Variants in SUB1 observed in about 807,000 individuals in gnomAD.
The protein encoded by SUB1 is activated RNA polymerase II transcriptional coactivator p15.
In SUB1, 1 loss-of-function variant was observed where a neutral mutation model predicts 16.9. That is an observed-to-expected ratio of 0.06 (90% confidence interval 0.02 to 0.28). The LOEUF (loss-of-function observed/expected upper bound fraction) is 0.28, where lower values mean the gene tolerates loss of function less well. SUB1 is among the 10% of genes least tolerant of loss of function. The pLI, the probability that SUB1 is intolerant of heterozygous loss-of-function variation, is 1.00. For synonymous variants in SUB1, 51 were observed against 46.9 expected (o/e 1.09, Z -0.36); for missense variants, 84 against 145.2 (o/e 0.58, Z 2.16).
chr5:32,598,855 T>C lies in SUB1; in HGVS notation c.196-106T>C, dbSNP rs376504188. ...CAAGGGTCAGCAGTAGTCATTTTCA[T>C]GATTAGATGTAGAGTGAGCATGCAG... On this transcript the variant is annotated intron_variant, in intron 3 of 4. Coordinates refer to ENST00000265073, the MANE Select transcript of SUB1 (RefSeq NM_006713.4). 481 of 815,332 alleles carry C rather than the reference T, an allele frequency of 5.9e-4. 3 individuals carry two copies. The East Asian group carries it at 5.9e-3, about 10-fold the overall frequency. 50.5% of individuals were successfully genotyped at this position (815,332 alleles called of 1,614,324 possible). A position where few individuals can be genotyped will look rare whatever the true frequency, so the allele number is the denominator to read the frequency against.
In SUB1 at chr5:32,599,487, TC is replaced by T. The variant is rs1271183490; in HGVS notation, c.304+420del. On this transcript the variant is annotated intron_variant, in intron 4 of 4. Coordinates refer to ENST00000265073, the MANE Select transcript of SUB1 (RefSeq NM_006713.4). ...TCTTCAAGCGGATCTCTGCTTTCCT[TC>T]CATTTGTGCTTCATCCAGTCCCAAG... is the stretch of plus-strand genomic sequence containing the variant. Among the ~76,000 whole-genome samples, 197 of 152,330 alleles carry T rather than the reference TC, an allele frequency of 1.3e-3. 1 individual carries two copies. Among genetic ancestry groups the T allele is most frequent in the Non-Finnish European group, 2.8e-4 (19 of 68,028 alleles).
intron 3 of SUB1, among the ~76,000 whole-genome samples, chr5:32,592,100 A>G (rs1001636022): frequency 1.3e-5 from 2 of 152,366 alleles, no homozygotes; most frequent in South Asian, 2.1e-4. Context: ...GTATGTTACA[A>G]TCTTCTTAAC....
At chr5:32,599,199 C>T in intron 4 of SUB1, 130 bp downstream of exon 4, 1 of 664,010 alleles carries the variant, frequency 1.5e-6, no homozygotes, top group Non-Finnish European at 2.6e-6. Flanking sequence ...TCTCTATCTT[C>T]TGTAGTTATT....
At chr5:32,594,620 G>A in intron 3 of SUB1, 1 of 455,316 alleles carries the variant, frequency 2.2e-6, no homozygotes, top group South Asian at 1.6e-5. Flanking sequence ...CAGGAGGTGA[G>A]CGGTGTGTGA....
At chr5:32,589,683 T>C (rs1055991891) in intron 2 of SUB1, among the ~76,000 whole-genome samples, 9 of 152,242 alleles carry the variant, frequency 5.9e-5, no homozygotes, top group Non-Finnish European at 8.8e-5. Context: ...GAATTGTCTT[T>C]TATCGCATAG....
chr5:32,587,950 T>C (rs1034044023), intron 1 of SUB1, among the ~76,000 whole-genome samples: 1 of 152,200 alleles, frequency 6.6e-6, no homozygotes. Context: ...TTAGTACCTG[T>C]CGTTATTTTG....
intron 2 of SUB1, 126 bp downstream of exon 2, chr5:32,588,710 G>T: frequency 1.2e-5 from 11 of 904,082 alleles, no homozygotes; most frequent in Non-Finnish European, 1.7e-5. Flanking sequence ...GGTGGCTCAT[G>T]CCTGTTATCC....
At chr5:32,588,789 T>C (rs575623267) in intron 2 of SUB1, among the ~76,000 whole-genome samples, 4 of 152,216 alleles carry the variant, frequency 2.6e-5, no homozygotes, top group Admixed American at 6.5e-5. Flanking sequence ...CAGGCTAACA[T>C]AGCAAGAACC....
chr5:32,600,938 T>C, intron 4 of SUB1, 67 bp from the exon 5 acceptor site: 1 of 1,424,790 alleles, frequency 7.0e-7, no homozygotes. Flanking sequence ...AGTATTCTAG[T>C]TGGAAGTATG....
chr5:32,598,758 A>C (rs937411551), intron 3 of SUB1: 2 of 389,880 alleles, frequency 5.1e-6, no homozygotes, highest in Non-Finnish European at 4.5e-6. Flanking sequence ...AGTCTGCAAA[A>C]ATTTTTCCAG....
chr5:32,601,185 T>G lies in SUB1; in HGVS notation c.*101T>G, dbSNP rs575706375. 337 of 924,712 alleles carry G rather than the reference T, an allele frequency of 3.6e-4. 3 individuals carry two copies. The African/African-American group carries it at 5.6e-3, about 15-fold the overall frequency. The allele number at this position is 924,712 out of a possible 1,614,324, so 57.3% of individuals were successfully genotyped here. ...TAAATGTTCTCCAAGCTATTGTATG[T>G]TTGGATTGCAGAAGAATTTGTAAGA... is the stretch of plus-strand genomic sequence containing the variant. On this transcript the variant is annotated 3_prime_UTR_variant, in exon 5 of 5. Transcript: ENST00000265073.
intron 1 of SUB1, 43 bp from the exon 2 acceptor site, chr5:32,588,469 A>G: frequency 6.4e-7 from 1 of 1,552,238 alleles, no homozygotes; most frequent in Non-Finnish European, 8.8e-7. Flanking sequence ...TGAAAGTAGT[A>G]GAGTACCTTA....
intron 2 of SUB1, among the ~76,000 whole-genome samples, chr5:32,590,681 C>T (rs908599556): frequency 1.6e-4 from 23 of 144,438 alleles, no homozygotes; most frequent in East Asian, 1.0e-3. Flanking sequence ...CTGCAACCTT[C>T]GCGTCCCGGG....
chr5:32,589,046 A>G (rs1296477449), intron 2 of SUB1, among the ~76,000 whole-genome samples: 1 of 151,710 alleles, frequency 6.6e-6, no homozygotes, highest in Non-Finnish European at 1.5e-5. Flanking sequence ...CAAAGTCACT[A>G]TTTGCCGTTA....
In SUB1 at chr5:32,602,392, C is replaced by G. The variant is rs1298154770; in HGVS notation, c.*1308C>G. 1.5e-5 allele frequency: 4 copies of G among 271,742 alleles called. No homozygotes were observed. Among genetic ancestry groups the G allele is most frequent in the Non-Finnish European group, 3.0e-5 (4 of 134,964 alleles). The allele number at this position is 271,742 out of a possible 1,614,324, so 16.8% of individuals were successfully genotyped here. Reference sequence around the variant, plus strand: ...TTTATAACAGCAGTGGAACACAATTCTAGGTAGAGTAGAAAAAGGAAAGTT... The same window carrying G: ...TTTATAACAGCAGTGGAACACAATTGTAGGTAGAGTAGAAAAAGGAAAGTT... On this transcript the variant is annotated 3_prime_UTR_variant, in exon 5 of 5. Transcript: ENST00000265073.
At position 32,601,251 on chromosome 5, in the gene SUB1, T is replaced by C. The variant is rs751681405; in HGVS notation, c.*167T>C. 1.9e-5 allele frequency: 11 copies of C among 579,290 alleles called. No individual in the cohort carries two copies. Among genetic ancestry groups the C allele is most frequent in the Admixed American group, 3.4e-5 (1 of 29,668 alleles). The allele number at this position is 579,290 out of a possible 1,614,324, so 35.9% of individuals were successfully genotyped here. A position where few individuals can be genotyped will look rare whatever the true frequency, so the allele number is the denominator to read the frequency against. The stretch of plus-strand genomic sequence containing the variant: ...AATGTGCATTATTAAAAATATTGAG[T>C]GAAGCTAATTGTCAACTTTATTAAG... On this transcript the variant is annotated 3_prime_UTR_variant, in exon 5 of 5. Coordinates refer to ENST00000265073, the MANE Select transcript of SUB1 (RefSeq NM_006713.4).
intron 4 of SUB1, among the ~76,000 whole-genome samples, chr5:32,600,513 G>A (rs1331007378): frequency 6.6e-6 from 1 of 152,168 alleles, no homozygotes; most frequent in Non-Finnish European, 1.5e-5. Flanking sequence ...GACTGGATAT[G>A]AGATTGATAA....
Position 32,595,347 on chromosome 5 carries a change from C to T in SUB1, c.196-3614C>T, listed in dbSNP as rs1247316567. On this transcript the variant is annotated intron_variant, in intron 3 of 4. Transcript: ENST00000265073. ...TCCTCTTGGCTTTACAGTCATTGCT[C>T]ATGTCCTAGGTAATCACTGATCTTA... The T allele has an allele frequency of 2.6e-5, 4 of 152,192 alleles. No homozygotes were observed. The East Asian group carries it at 7.7e-4, about 29-fold the overall frequency. 9.4% of individuals were successfully genotyped at this position (152,192 alleles called of 1,614,324 possible). A position where few individuals can be genotyped will look rare whatever the true frequency, so the allele number is the denominator to read the frequency against.
intron 1 of SUB1, 173 bp downstream of exon 1, chr5:32,585,798 C>T (rs1474612755): frequency 2.0e-5 from 3 of 152,360 alleles, no homozygotes; most frequent in African/African-American, 4.8e-5. Flanking sequence ...CCGTTTCTGA[C>T]TCCACGCCTG....
Sources: allele counts gnomAD v4.1 joint callset (sites outside exome capture counted in the v4.1 genomes callset), GRCh38; gene constraint gnomAD v4.1.1; transcripts MANE v1.5; gene names NCBI Gene and HGNC (gene_info 2026-07-23, HGNC 2026-07-21).